Variants in GRIK4 observed in about 807,000 individuals in gnomAD.
GRIK4 encodes glutamate receptor ionotropic, kainate 4.
GRIK4 carries 40 observed loss-of-function variants against 104.9 expected under a neutral mutation model. The observed-to-expected ratio is 0.38, with a 90% CI of 0.30 to 0.50. GRIK4 has a LOEUF of 0.50. Among genes scored for constraint, GRIK4 ranks in the 20% least tolerant of loss-of-function variants. The pLI is 0.93. For missense variants in GRIK4, 1,047 were observed against 1,308.1 expected (o/e 0.80, Z 3.08); for synonymous variants, 485 against 524.9 (o/e 0.92, Z 1.04).
chr11:120,515,102 G>A (rs959675532), intron 1 of GRIK4: 5 of 453,630 alleles, frequency 1.1e-5, no homozygotes, highest in Non-Finnish European at 2.2e-5. Context: ...TCACAACGTG[G>A]TGTCTGGCAT....
chr11:120,602,573 C>A (rs1398322848), intron 1 of GRIK4, among the ~76,000 whole-genome samples: 1 of 152,188 alleles, frequency 6.6e-6, no homozygotes, highest in Non-Finnish European at 1.5e-5. Flanking sequence ...GAGCATGCTC[C>A]AGTGTTGACA....
intron 19 of GRIK4, among the ~76,000 whole-genome samples, chr11:120,972,494 C>A (rs1944491504): frequency 6.6e-6 from 1 of 151,778 alleles, no homozygotes; most frequent in Non-Finnish European, 1.5e-5. Flanking sequence ...AGGATCTGGT[C>A]AAAAAGTTAA....
At chr11:120,598,569 A>T (rs1489392427) in intron 1 of GRIK4, among the ~76,000 whole-genome samples, 1 of 152,196 alleles carries the variant, frequency 6.6e-6, no homozygotes, top group Non-Finnish European at 1.5e-5. Context: ...AATGAACTTG[A>T]CTATTATTGA....
chr11:120,893,709 C>T (rs1388555327), intron 11 of GRIK4, among the ~76,000 whole-genome samples: 1 of 152,190 alleles, frequency 6.6e-6, no homozygotes, highest in African/African-American at 2.4e-5. Context: ...TGCTTGGTGA[C>T]ATCATGTTGG....
chr11:120,938,176 A>C (rs955071964), intron 13 of GRIK4, among the ~76,000 whole-genome samples: 8 of 152,126 alleles, frequency 5.3e-5, no homozygotes, highest in Non-Finnish European at 8.8e-5. Flanking sequence ...CAAAAGCTGA[A>C]TTCAAATCAG....
At chr11:120,934,136 C>CGGA (rs1454606397) in intron 13 of GRIK4, among the ~76,000 whole-genome samples, 3 of 134,892 alleles carry the variant, frequency 2.2e-5, no homozygotes, top group African/African-American at 8.6e-5. Flanking sequence ...ACCCGGGAGG[C>CGGA]GGAGGTTGCA....
chr11:120,795,420 T>C (rs940084906), intron 3 of GRIK4, among the ~76,000 whole-genome samples: 1 of 152,200 alleles, frequency 6.6e-6, no homozygotes, highest in African/African-American at 2.4e-5. Context: ...GTCGTGGGGC[T>C]GCTGTCCGTC....
chr11:120,663,365 C>G (rs1425460745), intron 3 of GRIK4, among the ~76,000 whole-genome samples: 3 of 152,204 alleles, frequency 2.0e-5, no homozygotes, highest in Admixed American at 1.3e-4. Flanking sequence ...AAGTAGGGGC[C>G]TGGCTGGTGG....
At chr11:120,519,955 C>T (rs1281726048) in intron 1 of GRIK4, among the ~76,000 whole-genome samples, 6 of 147,622 alleles carry the variant, frequency 4.1e-5, no homozygotes, top group African/African-American at 1.0e-4. Flanking sequence ...TGCAGAGGCG[C>T]GATCTTGGCT....
chr11:120,626,004 A>G (rs1949254302), intron 1 of GRIK4, among the ~76,000 whole-genome samples: 1 of 152,222 alleles, frequency 6.6e-6, no homozygotes, highest in Non-Finnish European at 1.5e-5. Context: ...GTAGGATTAC[A>G]TCAAGGAGGA....
At chr11:120,673,423 C>T (rs1157734635) in intron 3 of GRIK4, among the ~76,000 whole-genome samples, 6 of 152,230 alleles carry the variant, frequency 3.9e-5, no homozygotes, top group Admixed American at 3.9e-4. Flanking sequence ...ATGCTGCTGG[C>T]TCCCTGTCCC....
At chr11:120,757,847 T>C (rs1188315808) in intron 3 of GRIK4, among the ~76,000 whole-genome samples, 1 of 152,054 alleles carries the variant, frequency 6.6e-6, no homozygotes, top group Non-Finnish European at 1.5e-5. Context: ...ACAGGGTGTG[T>C]TGGGAAAACA....
chr11:120,868,990 G>A (rs1432868290), intron 9 of GRIK4: 1 of 152,232 alleles, frequency 6.6e-6, no homozygotes, highest in Non-Finnish European at 1.5e-5. Context: ...ACAATTAGGA[G>A]AGGGAGAAAG....
intron 1 of GRIK4, among the ~76,000 whole-genome samples, chr11:120,515,701 C>T (rs569825999): frequency 6.6e-6 from 1 of 152,332 alleles, no homozygotes; most frequent in African/African-American, 2.4e-5. Flanking sequence ...TAAATCGGCC[C>T]TCTTCATAGT....
At chr11:120,572,780 C>T (rs1948418071) in intron 1 of GRIK4, among the ~76,000 whole-genome samples, 1 of 152,210 alleles carries the variant, frequency 6.6e-6, no homozygotes, top group African/African-American at 2.4e-5. Flanking sequence ...CTAAAGGGAA[C>T]AGCACTGATG....
At chr11:120,830,785 G>T (rs997086522) in intron 6 of GRIK4, among the ~76,000 whole-genome samples, 1 of 152,068 alleles carries the variant, frequency 6.6e-6, no homozygotes, top group East Asian at 1.9e-4. Context: ...CCTTATCATT[G>T]CTTTTGGGAG....
At position 120,527,205 on chromosome 11, in the gene GRIK4, C is replaced by T. The variant is rs114639570; in HGVS notation, c.-159+15318C>T. Among the ~76,000 whole-genome samples the T allele has an allele frequency of 3.7e-3, 558 of 152,320 alleles. 3 individuals are homozygous for T. The highest frequency in any genetic ancestry group is 0.013 in the African/African-American group (538 of 41,574). ...GCCGGGGCTTTGGCTTCTGGAGCTG[C>T]GTCATCTTTGTGGCTCTGCCCCTGC... is the stretch of plus-strand genomic sequence containing the variant. On this transcript the variant is annotated intron_variant, in intron 1 of 20. Transcript: ENST00000527524.
chr11:120,917,862 G>T (rs1385623266), intron 13 of GRIK4, among the ~76,000 whole-genome samples: 22 of 152,232 alleles, frequency 1.4e-4, no homozygotes, highest in Non-Finnish European at 7.3e-5. Context: ...CTGAGCGCCA[G>T]CTGTTAAGGG....
intron 6 of GRIK4, among the ~76,000 whole-genome samples, chr11:120,831,025 G>A (rs1301617720): frequency 1.7e-4 from 26 of 152,114 alleles, no homozygotes; most frequent in Non-Finnish European, 1.5e-5. Context: ...AATAGCTGGT[G>A]GGTGGGAGAG....
Sources: gnomAD v4.1 joint callset for allele counts (sites outside exome capture counted in the v4.1 genomes callset) on GRCh38, gnomAD v4.1.1 for gene constraint, MANE v1.5 for transcripts, NCBI Gene and HGNC (gene_info 2026-07-23, HGNC 2026-07-21) for gene names.